Variants in GLMN observed in about 807,000 individuals in gnomAD.
The protein encoded by GLMN is glomulin.
A neutral mutation model predicts 87.8 loss-of-function variants in GLMN; 75 were observed. That is an observed-to-expected ratio of 0.85 (90% CI 0.71 to 1.04). The LOEUF is 1.04. Among genes scored for constraint, GLMN ranks in the 50% least tolerant of loss-of-function variants. The pLI is 0.00. For missense variants in GLMN, 588 were observed against 658.8 expected, an observed-to-expected ratio of 0.89 and a Z score of 1.18; for synonymous variants, 206 against 221.6, an observed-to-expected ratio of 0.93 and a Z score of 0.63.
the GLMN span, among the ~76,000 whole-genome samples, chr1:92,315,381 C>G: frequency 1.3e-5 from 2 of 152,112 alleles, no homozygotes; most frequent in African/African-American, 4.8e-5. Context: ...ATTACTATAA[C>G]AGATAATAAT....
intron 16 of GLMN, among the ~76,000 whole-genome samples, chr1:92,250,707 T>A (rs1348982728): frequency 2.0e-5 from 3 of 152,196 alleles, no homozygotes; most frequent in Admixed American, 1.3e-4. Flanking sequence ...GAATAAACAA[T>A]TCAAAAGTAA....
At chr1:92,249,556 G>A (rs960050045) in intron 16 of GLMN, among the ~76,000 whole-genome samples, 9 of 151,810 alleles carry the variant, frequency 5.9e-5, no homozygotes, top group South Asian at 4.2e-4. Flanking sequence ...TTTGTTACAC[G>A]TATAAAATGT....
chr1:92,349,358 C>T, the GLMN span, among the ~76,000 whole-genome samples: 1 of 152,120 alleles, frequency 6.6e-6, no homozygotes, highest in Non-Finnish European at 1.5e-5. Flanking sequence ...TCCATGAAAG[C>T]TGTTTTCAGA....
At chr1:92,334,870 C>T in the GLMN span, among the ~76,000 whole-genome samples, 1 of 152,102 alleles carries the variant, frequency 6.6e-6, no homozygotes, top group Non-Finnish European at 1.5e-5. Flanking sequence ...TGCCTGTAGT[C>T]CCAGTTACTC....
At chr1:92,352,847 CA>C in the GLMN span, among the ~76,000 whole-genome samples, 1 of 152,270 alleles carries the variant, frequency 6.6e-6, no homozygotes, top group South Asian at 2.1e-4. Context: ...TCTATTAGTT[CA>C]GTCCCAATTT....
the GLMN span, among the ~76,000 whole-genome samples, chr1:92,365,714 G>A: frequency 7.2e-5 from 11 of 152,142 alleles, no homozygotes; most frequent in Admixed American, 3.3e-4. Flanking sequence ...TCATTTGTAC[G>A]TTTTATTTGG....
rs555168246 is a variant in GLMN, at chr1:92,267,766, T to C, written c.1098+147A>G. ...TGTTCAGTTTGGCTAGTGGCTTTCA[T>C]ATTGTCAAAGTTCTACTGGACAGCA... is the stretch of plus-strand genomic sequence containing the variant. On this transcript the variant is annotated intron_variant, in intron 11 of 18. Coordinates refer to ENST00000370360, the MANE Select transcript of GLMN (RefSeq NM_053274.3). The C allele has an allele frequency of 7.6e-5, 49 of 641,950 alleles. 2 individuals carry two copies. In the South Asian group the frequency reaches 8.7e-4, roughly 11 times the overall value. The allele number at this position is 641,950 out of a possible 1,614,324, so 39.8% of individuals were successfully genotyped here. A position where few individuals can be genotyped will look rare whatever the true frequency, so the allele number is the denominator to read the frequency against.
upstream of GLMN, chr1:92,299,223 G>T: frequency 1.1e-6 from 1 of 908,754 alleles, no homozygotes; most frequent in Non-Finnish European, 1.6e-6. Flanking sequence ...CGCAGCGCGC[G>T]GGCGCTCCTG....
intron 9 of GLMN, 146 bp from the exon 10 acceptor site, chr1:92,268,281 A>G (rs1655873587): frequency 6.5e-6 from 4 of 618,960 alleles, no homozygotes; most frequent in Non-Finnish European, 1.2e-5. Context: ...GAACTTGATC[A>G]AAAGTTTTAA....
At chr1:92,318,507 C>T in the GLMN span, among the ~76,000 whole-genome samples, 6 of 152,062 alleles carry the variant, frequency 3.9e-5, no homozygotes, top group Non-Finnish European at 8.8e-5. Flanking sequence ...TTCTTACTGA[C>T]TATAGAATAG....
chr1:92,271,924 T>C (rs565166189), intron 7 of GLMN, among the ~76,000 whole-genome samples: 6 of 152,274 alleles, frequency 3.9e-5, no homozygotes, highest in Admixed American at 6.5e-5. Context: ...CTTAATCAGG[T>C]ATATTTTTAA....
rs2101083645 is a variant in GLMN at position 92,298,912 on chromosome 1, C to T, written c.-31+13G>A. ...GCCCTGGCCACCCTGAACCTCTCCA[C>T]AACTCCACTTACCGGCCAGAACCCT... On this transcript the variant is annotated intron_variant, in intron 1 of 18. Transcript: ENST00000370360. The T allele has an allele frequency of 2.2e-6, 1 of 455,640 alleles. No individual in the cohort carries two copies. The highest frequency in any genetic ancestry group is 3.9e-6 in the Non-Finnish European group (1 of 257,078). 28.2% of individuals were successfully genotyped at this position (455,640 alleles called of 1,614,324 possible).
the GLMN span, among the ~76,000 whole-genome samples, chr1:92,352,679 T>A: frequency 2.0e-5 from 3 of 152,222 alleles, no homozygotes; most frequent in African/African-American, 4.8e-5. Flanking sequence ...CTGAGCTGTT[T>A]AAAGTTGAGA....
At chr1:92,314,776 G>A in the GLMN span, among the ~76,000 whole-genome samples, 1 of 143,536 alleles carries the variant, frequency 7.0e-6, no homozygotes, top group African/African-American at 2.6e-5. Flanking sequence ...TGGGTGTGGT[G>A]GCTCACACCT....
chr1:92,337,875 C>A, the GLMN span, among the ~76,000 whole-genome samples: 1 of 152,088 alleles, frequency 6.6e-6, no homozygotes, highest in African/African-American at 2.4e-5. Flanking sequence ...GTAGGTAATA[C>A]ATTTCTGCAA....
chr1:92,284,511 A>G (rs1329032393), intron 7 of GLMN, among the ~76,000 whole-genome samples: 1 of 152,250 alleles, frequency 6.6e-6, no homozygotes, highest in East Asian at 1.9e-4. Context: ...TTAACACCAT[A>G]AAAACCCTAA....
intron 6 of GLMN, among the ~76,000 whole-genome samples, chr1:92,287,055 G>C (rs192975473): frequency 1.3e-5 from 2 of 152,276 alleles, no homozygotes; most frequent in Non-Finnish European, 2.9e-5. Flanking sequence ...GTGATGTAAC[G>C]TCGTTCGTAC....
At chr1:92,283,484 C>T (rs1382773092) in intron 7 of GLMN, among the ~76,000 whole-genome samples, 1 of 152,032 alleles carries the variant, frequency 6.6e-6, no homozygotes, top group East Asian at 1.9e-4. Context: ...ATAATAAGAG[C>T]TTTTATGACA....
intron 3 of GLMN, among the ~76,000 whole-genome samples, chr1:92,295,476 TAA>T (rs1238093245): frequency 6.6e-6 from 1 of 152,254 alleles, no homozygotes; most frequent in Non-Finnish European, 1.5e-5. Flanking sequence ...TCAAAATTTC[TAA>T]AAGTCAACTC....
Sources: gnomAD v4.1 joint callset for allele counts (sites outside exome capture counted in the v4.1 genomes callset) on GRCh38, gnomAD v4.1.1 for gene constraint, MANE v1.5 for transcripts, NCBI Gene and HGNC (gene_info 2026-07-23, HGNC 2026-07-21) for gene names.